Variants in CGN observed in about 807,000 individuals in gnomAD.
CGN encodes the protein cingulin.
In CGN, 121 loss-of-function variants were observed where a neutral mutation model predicts 157.1. The ratio of observed to expected loss-of-function variants is 0.77; its 90% confidence interval spans 0.66 to 0.90. The LOEUF (loss-of-function observed/expected upper bound fraction) is 0.90. Among genes scored for constraint, CGN ranks in the 40% least tolerant of loss-of-function variants. The probability of loss-of-function intolerance (pLI) is 0.00; values close to 1 mark genes in which losing one functional copy is unlikely to be tolerated. For missense variants in CGN, 1,424 were observed against 1,520.9 expected (o/e 0.94, Z 1.06); for synonymous variants, 535 against 607.5 (o/e 0.88, Z 1.76).
At chr1:151,534,949 T>A (rs748819004) in intron 15 of CGN, 93 bp from the exon 16 acceptor site, 221 of 859,328 alleles carry the variant, frequency 2.6e-4, no homozygotes, top group Non-Finnish European at 3.9e-4. Flanking sequence ...GAGAGAAAAG[T>A]CTGTTAATGC....
intron 10 of CGN, chr1:151,527,950 A>ATATT (rs1162526104): frequency 4.4e-4 from 36 of 81,534 alleles, no homozygotes; most frequent in African/African-American, 1.3e-3. Context: ...ATATATATAT[A>ATATT]TTTTTTTTTT....
intron 9 of CGN, 101 bp from the exon 10 acceptor site, chr1:151,526,874 T>C (rs1180915758): frequency 2.8e-5 from 38 of 1,357,876 alleles, no homozygotes; most frequent in Non-Finnish European, 3.8e-5. Context: ...GCCCAGCGTG[T>C]TGGCCTCCAG....
rs189593246 is a variant in CGN, at chr1:151,530,232, A to G, written c.2313+117A>G. On this transcript the variant is annotated intron_variant, in intron 12 of 20. Coordinates refer to ENST00000271636, the MANE Select transcript of CGN (RefSeq NM_020770.3). ...AGTGTGCATCTGTTTTGCCTCCCCAAACCTGCTCTGTTAACCTTGGGTTTA... is the reference window on the plus strand; with the variant it reads ...AGTGTGCATCTGTTTTGCCTCCCCAGACCTGCTCTGTTAACCTTGGGTTTA... 1.9e-5 allele frequency: 22 copies of G among 1,159,786 alleles called. No homozygotes were observed. The Admixed American group carries it at 4.5e-4, about 24-fold the overall frequency. 71.8% of individuals were successfully genotyped at this position (1,159,786 alleles called of 1,614,324 possible).
Position 151,518,960 on chromosome 1 carries a change from G to A in CGN, c.441G>A (p.Val147=), listed in dbSNP as rs141096784. The A allele has an allele frequency of 1.9e-3, 3,136 of 1,614,188 alleles. 10 individuals carry two copies. The highest frequency in any genetic ancestry group is 2.2e-3 in the Non-Finnish European group (2,549 of 1,180,032). ...CCTCACTGGCAGGCCCTGGCCCAGT[G>A]GATCCTAGTAACAGAAGCAACAGCA... ...SQASLAGPGP[V]DPSNRSNSML... Residue 147 remains valine (V), a synonymous_variant, in exon 2 of 21, where the codon GTG becomes GTA. Transcript: ENST00000271636.
In CGN at chr1:151,534,511, C is replaced by T. The variant is rs147083898; in HGVS notation, c.2904+375C>T. 3.6e-3 allele frequency: 933 copies of T among 257,104 alleles called. 1 individual carries two copies. Among genetic ancestry groups the T allele is most frequent in the Non-Finnish European group, 3.5e-3 (473 of 133,402 alleles). 15.9% of individuals were successfully genotyped at this position (257,104 alleles called of 1,614,324 possible). A position where few individuals can be genotyped will look rare whatever the true frequency, so the allele number is the denominator to read the frequency against. On this transcript the variant is annotated intron_variant, in intron 15 of 20. Transcript: ENST00000271636. ...GTGTGATAGGCACTTAAGACTTAAT[C>T]CTCAGAATAACTCTGTGGGGTAGGT...
intron 9 of CGN, among the ~76,000 whole-genome samples, 195 bp from the exon 10 acceptor site, chr1:151,526,780 C>T (rs536790132): frequency 2.6e-5 from 4 of 152,204 alleles, no homozygotes; most frequent in Admixed American, 6.5e-5. Flanking sequence ...GGCCCACTTC[C>T]TTTCTATCTA....
At chr1:151,532,022 C>G (rs1279078266) in intron 13 of CGN, among the ~76,000 whole-genome samples, 1 of 152,096 alleles carries the variant, frequency 6.6e-6, no homozygotes, top group Non-Finnish European at 1.5e-5. Context: ...ATCATTGGCA[C>G]CTTGGGTTTG....
chr1:151,512,967 G>A (rs530963108), intron 1 of CGN, among the ~76,000 whole-genome samples: 2 of 152,228 alleles, frequency 1.3e-5, no homozygotes, highest in Non-Finnish European at 2.9e-5. Context: ...TGAGGACCAG[G>A]GAGGTGGCCA....
intron 5 of CGN, 137 bp downstream of exon 5, chr1:151,520,828 T>G (rs1664529718): frequency 1.4e-6 from 1 of 726,732 alleles, no homozygotes; most frequent in Admixed American, 2.4e-5. Context: ...CAAGAATGTG[T>G]ACTAATTCCA....
At chr1:151,516,981 G>A (rs1375036392) in intron 1 of CGN, among the ~76,000 whole-genome samples, 14 of 151,076 alleles carry the variant, frequency 9.3e-5, no homozygotes, top group Non-Finnish European at 2.1e-4. Flanking sequence ...CCAATATGGT[G>A]AAACCCCATC....
chr1:151,534,937 A>G (rs1293843607), intron 15 of CGN, 105 bp from the exon 16 acceptor site: 13 of 787,110 alleles, frequency 1.7e-5, no homozygotes, highest in Non-Finnish European at 2.6e-5. Flanking sequence ...TGGGATGTGC[A>G]AGAGAGAAAA....
chr1:151,524,230 C>T lies in CGN; in HGVS notation c.1273C>T (p.Gln425Ter). 1 of 1,613,436 alleles carries T rather than the reference C, an allele frequency of 6.2e-7. No individual in the cohort carries two copies. The highest frequency in any genetic ancestry group is 8.5e-7 in the Non-Finnish European group (1 of 1,179,708). The stretch of plus-strand genomic sequence containing the variant: ...AATAATGTTATCTATTATTAGGCTC[C>T]AGAACATGAAGCGCCTCTTGGACCA... ...GEAQQSNKELQNMKRLLDQGE... is the reference protein window; with the variant it reads ...GEAQQSNKEL Residue 425 changes from glutamine to a stop codon, truncating the protein, a stop_gained, in exon 7 of 21, where the codon CAG (glutamine) becomes TAG (stop). Transcript: ENST00000271636. LOFTEE classifies it high-confidence loss of function. This position sits in a 1 kb window ranked among gnomAD's most constrained non-coding sequence, Gnocchi z 4.4.
chr1:151,534,105 A>G lies in CGN; in HGVS notation c.2873A>G (p.Asp958Gly), dbSNP rs1357120076. 3 of 1,606,638 alleles carry G rather than the reference A, an allele frequency of 1.9e-6. No individual in the cohort carries two copies. Among genetic ancestry groups the G allele is most frequent in the African/African-American group, 2.7e-5 (2 of 74,736 alleles). The change falls in exon 15 of 21, where the codon GAC becomes GGC. Residue 958 changes from aspartate (D) to glycine (G), a missense_variant. Transcript: ENST00000271636. The stretch of plus-strand genomic sequence containing the variant: ...GCAGAGAACAAGAAGCGTTCCCAGG[A>G]CGACAGGGCCCGGCAGCTGAAGGGT... ...QEAENKKRSQ[D>G]DRARQLKGLE...
chr1:151,530,799 G>A (rs1664819193), intron 13 of CGN, 53 bp downstream of exon 13: 1 of 1,544,230 alleles, frequency 6.5e-7, no homozygotes, highest in Non-Finnish European at 8.8e-7. Flanking sequence ...TCATCCAGAA[G>A]CTGGCCTGAG....
Position 151,537,432 on chromosome 1 carries a change from T to C in CGN, c.*86T>C. 8.0e-7 allele frequency: 1 copy of C among 1,248,696 alleles called. No homozygotes were observed. The highest frequency in any genetic ancestry group is 1.5e-5 in the South Asian group (1 of 68,800). 77.4% of individuals were successfully genotyped at this position (1,248,696 alleles called of 1,614,324 possible). On this transcript the variant is annotated 3_prime_UTR_variant, in exon 21 of 21. Coordinates refer to ENST00000271636, the MANE Select transcript of CGN (RefSeq NM_020770.3). ...GCTCTGCCCACCCTGGGTTCTGCAT[T>C]CCTATGGGTGACCCAATTATTCAGA...
In CGN at chr1:151,524,074, G is replaced by A. The variant is rs901507085; in HGVS notation, c.1269-152G>A. On this transcript the variant is annotated intron_variant, in intron 6 of 20. Transcript: ENST00000271636. This position sits in a 1 kb window ranked among gnomAD's most constrained non-coding sequence, Gnocchi z 4.4. ...GGGTAAGGCAGATCAGGAGGGCCAGGTTGTAGCGGGGCAGGTTGCAAAAAT... is the reference window on the plus strand; with the variant it reads ...GGGTAAGGCAGATCAGGAGGGCCAGATTGTAGCGGGGCAGGTTGCAAAAAT... 7.5e-6 allele frequency: 5 copies of A among 667,734 alleles called. No homozygotes were observed. The highest frequency in any genetic ancestry group is 7.3e-5 in the African/African-American group (4 of 55,120). The allele number at this position is 667,734 out of a possible 1,614,324, so 41.4% of individuals were successfully genotyped here. A position where few individuals can be genotyped will look rare whatever the true frequency, so the allele number is the denominator to read the frequency against.
At position 151,525,659 on chromosome 1, in the gene CGN, G is replaced by A; in HGVS notation, c.1632G>A (p.Glu544=). The change falls in exon 9 of 21, where the codon GAG becomes GAA. Residue 544 remains glutamate (E), a synonymous_variant. Coordinates refer to ENST00000271636, the MANE Select transcript of CGN (RefSeq NM_020770.3). ...TTCTCTAGGACCATGCAGTGCTGGA[G>A]GCCGAGAGGCAGAAGATGTCAGCCC... The part of the protein sequence containing the change: ...QDATQDHAVL[E]AERQKMSALV... The A allele has an allele frequency of 6.2e-7, 1 of 1,606,636 alleles. No homozygotes were observed. Among genetic ancestry groups the A allele is most frequent in the Non-Finnish European group, 8.5e-7 (1 of 1,176,464 alleles).
intron 5 of CGN, among the ~76,000 whole-genome samples, chr1:151,521,522 C>A (rs192526060): frequency 6.6e-6 from 1 of 152,162 alleles, no homozygotes; most frequent in African/African-American, 2.4e-5. Context: ...TGCTGTGTAA[C>A]AAATTACCCA....
chr1:151,534,131 C>T lies in CGN; in HGVS notation c.2899C>T (p.Leu967Phe), dbSNP rs1469155741. The T allele has an allele frequency of 3.2e-6, 5 of 1,583,766 alleles. No individual in the cohort carries two copies. The highest frequency in any genetic ancestry group is 1.3e-5 in the African/African-American group (1 of 74,304). ...QDDRARQLKG[L>F]EEKVSRLETE... Reference sequence around the variant, plus strand: ...CGACAGGGCCCGGCAGCTGAAGGGTCTCGAGGTGAGGGCACTGAGGTGTGA... The same window carrying T: ...CGACAGGGCCCGGCAGCTGAAGGGTTTCGAGGTGAGGGCACTGAGGTGTGA... The change falls in exon 15 of 21, where the codon CTC becomes TTC. Residue 967 changes from leucine (L) to phenylalanine (F), a missense_variant. Physicochemically the swap from Leu to Phe is conservative, Grantham distance 22 (BLOSUM62 0). Coordinates refer to ENST00000271636, the MANE Select transcript of CGN (RefSeq NM_020770.3).
Sources: gnomAD v4.1 joint callset for allele counts (sites outside exome capture counted in the v4.1 genomes callset) on GRCh38, gnomAD v4.1.1 for gene constraint, Gnocchi (gnomAD v3.1) non-coding constraint, MANE v1.5 for transcripts, NCBI Gene and HGNC (gene_info 2026-07-23, HGNC 2026-07-21) for gene names.